The following FARS2 variants were observed in gnomAD, a reference collection of about 807,000 sequenced individuals.
FARS2 encodes phenylalanine--tRNA ligase, mitochondrial.
In FARS2, 40 loss-of-function variants were observed where a neutral mutation model predicts 46.4. The ratio of observed to expected loss-of-function variants is 0.86; its 90% CI spans 0.67 to 1.12. The LOEUF is 1.12. Ranked by LOEUF, FARS2 falls within the 50% of genes most tolerant of loss-of-function variation. The pLI, the probability that FARS2 is intolerant of heterozygous loss-of-function variation, is 0.00. For missense variants in FARS2, 513 were observed against 567.9 expected (o/e 0.90, Z 0.98); for synonymous variants, 234 against 214.9 (o/e 1.09, Z -0.78).
chr6:5,305,005 G>A (rs1768595618), intron 1 of FARS2, among the ~76,000 whole-genome samples: 1 of 152,200 alleles, frequency 6.6e-6, no homozygotes, highest in South Asian at 2.1e-4. Flanking sequence ...GGCACTGGAA[G>A]TAGCTGGGCA....
chr6:5,554,652 G>T (rs187745978), intron 5 of FARS2, among the ~76,000 whole-genome samples: 1 of 152,188 alleles, frequency 6.6e-6, no homozygotes, highest in Non-Finnish European at 1.5e-5. Context: ...GTAAGCCATT[G>T]AGCTAAATGC....
At chr6:5,670,502 G>A (rs916227671) in intron 6 of FARS2, among the ~76,000 whole-genome samples, 2 of 152,142 alleles carry the variant, frequency 1.3e-5, no homozygotes, top group African/African-American at 4.8e-5. Flanking sequence ...AATGGATCAC[G>A]AGGGGTGACT....
intron 6 of FARS2, among the ~76,000 whole-genome samples, chr6:5,734,612 T>A (rs1056787239): frequency 6.6e-6 from 1 of 152,188 alleles, no homozygotes; most frequent in African/African-American, 2.4e-5. Context: ...GCACTTAACA[T>A]AGCCAGATAG....
intron 1 of FARS2, among the ~76,000 whole-genome samples, chr6:5,339,030 T>C (rs1480807717): frequency 6.6e-6 from 1 of 152,246 alleles, no homozygotes; most frequent in East Asian, 1.9e-4. Flanking sequence ...AAAGTTTATA[T>C]TTTTATATGG....
rs138339912 is a variant in FARS2, at chr6:5,762,577, A to G, written c.1218-8714A>G. Among the ~76,000 whole-genome samples the G allele has an allele frequency of 3.5e-4, 54 of 152,340 alleles. 1 individual carries two copies. In the East Asian group the frequency reaches 0.01, roughly 29 times the overall value. On this transcript the variant is annotated intron_variant, in intron 6 of 6. Transcript: ENST00000274680. ...CTGGGGGTGTTTTGAAACATCCCTG[A>G]GGACTTGGCGAGTATTTGATGTTAA...
At chr6:5,353,651 G>A (rs568862816) in intron 1 of FARS2, among the ~76,000 whole-genome samples, 1 of 138,310 alleles carries the variant, frequency 7.2e-6, no homozygotes, top group Admixed American at 7.3e-5. Flanking sequence ...ATGTTGAACA[G>A]TTTTTCATAT....
At chr6:5,600,813 A>G (rs1019817671) in intron 5 of FARS2, among the ~76,000 whole-genome samples, 2 of 152,354 alleles carry the variant, frequency 1.3e-5, no homozygotes, top group East Asian at 3.9e-4. Flanking sequence ...TGTTATTTAC[A>G]TAATTGTTAA....
At chr6:5,663,992 A>G (rs1777979024) in intron 6 of FARS2, among the ~76,000 whole-genome samples, 1 of 152,202 alleles carries the variant, frequency 6.6e-6, no homozygotes, top group African/African-American at 2.4e-5. Flanking sequence ...GGCTGTGTTC[A>G]CAGCTCAGAT....
In FARS2 at chr6:5,742,787, A is replaced by G. The variant is rs573718881; in HGVS notation, c.1218-28504A>G. The stretch of plus-strand genomic sequence containing the variant: ...TCTGAACTGGTAAACTTTCTATCCC[A>G]TAAGAGTTTCTTTAAATAGAAAACA... On this transcript the variant is annotated intron_variant, in intron 6 of 6. Transcript: ENST00000274680. Among the ~76,000 whole-genome samples the G allele has an allele frequency of 2.6e-5, 4 of 152,250 alleles. No individual in the cohort carries two copies. The South Asian group carries it at 6.2e-4, about 24-fold the overall frequency.
intron 6 of FARS2, among the ~76,000 whole-genome samples, chr6:5,711,563 T>C (rs1044531848): frequency 6.6e-6 from 1 of 152,166 alleles, no homozygotes; most frequent in African/African-American, 2.4e-5. Context: ...CCCCTAGCTC[T>C]GGTGTGATGA....
chr6:5,716,277 C>T (rs2150910795), intron 6 of FARS2, among the ~76,000 whole-genome samples: 1 of 152,198 alleles, frequency 6.6e-6, no homozygotes, highest in Admixed American at 6.5e-5. Flanking sequence ...CCATGTTTGT[C>T]TCATACTTAA....
At chr6:5,760,082 C>G (rs1762405163) in intron 6 of FARS2, among the ~76,000 whole-genome samples, 1 of 152,120 alleles carries the variant, frequency 6.6e-6, no homozygotes. Flanking sequence ...GAGTTCCCCT[C>G]AAAGGTATTT....
At chr6:5,555,947 T>G (rs1771632227) in intron 5 of FARS2, among the ~76,000 whole-genome samples, 2 of 152,150 alleles carry the variant, frequency 1.3e-5, no homozygotes, top group South Asian at 4.1e-4. Flanking sequence ...TGCTTATATC[T>G]AAAGCATTTA....
chr6:5,620,888 T>C (rs1582605163), intron 6 of FARS2, among the ~76,000 whole-genome samples: 1 of 152,260 alleles, frequency 6.6e-6, no homozygotes, highest in African/African-American at 2.4e-5. Flanking sequence ...GGCCTTCTCC[T>C]ATATGTCAGT....
At chr6:5,452,471 T>A (rs1414301573) in intron 4 of FARS2, 2 of 152,270 alleles carry the variant, frequency 1.3e-5, no homozygotes, top group Non-Finnish European at 2.9e-5. Context: ...CCATGCACAC[T>A]CTGTTCAGCA....
intron 1 of FARS2, among the ~76,000 whole-genome samples, chr6:5,303,827 C>A (rs958341027): frequency 1.3e-5 from 2 of 152,056 alleles, no homozygotes; most frequent in Non-Finnish European, 2.9e-5. Flanking sequence ...CCGGGGAATT[C>A]TCTGCCTCGG....
At chr6:5,637,895 T>C (rs965369019) in intron 6 of FARS2, among the ~76,000 whole-genome samples, 8 of 152,198 alleles carry the variant, frequency 5.3e-5, no homozygotes, top group Admixed American at 1.3e-4. Flanking sequence ...TCTCTTTAGA[T>C]ACCCTATCTG....
Position 5,368,759 on chromosome 6 carries a change from C to T in FARS2, c.189C>T (p.His63=). ...LLGKSYPQDD[H]SNLTRKVLTR... ...GCAAATCCTACCCTCAGGACGACCA[C>T]AGCAACCTCACCCGGAAGGTCCTCA... The change falls in exon 2 of 7, where the codon CAC becomes CAT. Residue 63 remains histidine (H), a synonymous_variant. Transcript: ENST00000274680. 6.2e-7 allele frequency: 1 copy of T among 1,614,214 alleles called. No individual in the cohort carries two copies. Among genetic ancestry groups the T allele is most frequent in the African/African-American group, 1.3e-5 (1 of 75,044 alleles).
intron 6 of FARS2, chr6:5,694,884 GTAGTCCT>G (rs1290226639): frequency 6.6e-6 from 1 of 151,146 alleles, no homozygotes; most frequent in African/African-American, 2.4e-5. Flanking sequence ...GCACGCACCT[GTAGTCCT>G]GGCCATTGGG....
Sources: allele counts gnomAD v4.1 joint callset (sites outside exome capture counted in the v4.1 genomes callset), GRCh38; gene constraint gnomAD v4.1.1; transcripts MANE v1.5; gene names NCBI Gene and HGNC (gene_info 2026-07-23, HGNC 2026-07-21).